The following ZNF578 variants were observed in gnomAD, a reference collection of about 807,000 sequenced individuals.
The protein encoded by ZNF578 is zinc finger protein 578, also known as Putative chemokine-related protein B42.
Under a neutral mutation model 8.3 loss-of-function variants are expected in ZNF578, and 8 were observed. The observed-to-expected ratio is 0.96, with a 90% CI of 0.56 to 1.74. ZNF578 has a LOEUF of 1.74. Among genes scored for constraint, ZNF578 ranks in the 40% most tolerant of loss-of-function variants. The pLI is 0.00. For missense variants in ZNF578, 726 were observed against 707.5 expected (o/e 1.03, Z -0.30); for synonymous variants, 206 against 232.2 (o/e 0.89, Z 1.03).
At chr19:52,463,651 A>T (rs1408342009) in intron 2 of ZNF578, among the ~76,000 whole-genome samples, 4 of 152,232 alleles carry the variant, frequency 2.6e-5, no homozygotes, top group Admixed American at 2.0e-4. Flanking sequence ...ATATTTAATT[A>T]AGGCAGTTTT....
chr19:52,492,702 C>T (rs2059370122), intron 3 of ZNF578: 1 of 152,214 alleles, frequency 6.6e-6, no homozygotes, highest in African/African-American at 2.4e-5. Context: ...CCGGCCCCGC[C>T]CTCTGCCGGT....
intron 3 of ZNF578, among the ~76,000 whole-genome samples, chr19:52,495,321 C>T (rs1229213786): frequency 6.9e-6 from 1 of 144,612 alleles, no homozygotes; most frequent in African/African-American, 2.5e-5. Context: ...CATGCGCCAC[C>T]ATGCCCCGCT....
intron 2 of ZNF578, among the ~76,000 whole-genome samples, chr19:52,466,918 G>T (rs1273562897): frequency 6.6e-6 from 1 of 152,082 alleles, no homozygotes; most frequent in Non-Finnish European, 1.5e-5. Context: ...CATAATGTGT[G>T]CATATATAAT....
At chr19:52,499,283 T>A (rs1318035561) in intron 3 of ZNF578, among the ~76,000 whole-genome samples, 1 of 152,140 alleles carries the variant, frequency 6.6e-6, no homozygotes, top group Non-Finnish European at 1.5e-5. Context: ...GAATTCCAGT[T>A]CTCCAAGATG....
chr19:52,501,238 C>T (rs568072572), intron 3 of ZNF578, among the ~76,000 whole-genome samples: 1 of 152,304 alleles, frequency 6.6e-6, no homozygotes, highest in East Asian at 1.9e-4. Flanking sequence ...GAACTTGGCC[C>T]CAAGCGGAGG....
chr19:52,493,563 G>A (rs1273084917), intron 3 of ZNF578, among the ~76,000 whole-genome samples: 1 of 152,112 alleles, frequency 6.6e-6, no homozygotes, highest in African/African-American at 2.4e-5. Flanking sequence ...GATCTGGGGT[G>A]CTAGAGAGTG....
intron 3 of ZNF578, among the ~76,000 whole-genome samples, chr19:52,496,630 C>T (rs1181185846): frequency 2.8e-5 from 4 of 141,182 alleles, no homozygotes; most frequent in Admixed American, 2.1e-4. Context: ...CGCTCAGCCT[C>T]ATTAGTTGTT....
intron 3 of ZNF578, among the ~76,000 whole-genome samples, chr19:52,491,915 G>C (rs532523198): frequency 6.6e-6 from 1 of 151,984 alleles, no homozygotes; most frequent in East Asian, 1.9e-4. Context: ...AAGCCAAGCA[G>C]TTTGGGAGGC....
intron 5 of ZNF578, among the ~76,000 whole-genome samples, chr19:52,506,890 C>T (rs1007589780): frequency 3.3e-5 from 5 of 152,162 alleles, no homozygotes; most frequent in East Asian, 1.9e-4. Context: ...TAAGATTTGT[C>T]GGCCTTTGGT....
At chr19:52,456,455 C>T (rs1320966897) in intron 1 of ZNF578, 1 of 152,286 alleles carries the variant, frequency 6.6e-6, no homozygotes, top group Non-Finnish European at 1.5e-5. Context: ...CATCATTGAA[C>T]ATCAGGGTGC....
chr19:52,514,321 A>G lies in ZNF578; in HGVS notation c.*2167A>G, dbSNP rs1339289699. ...TTCGTGAGATTTTTTTCCTACAACA[A>G]TTTCAAAAGAGTTGCTGTTTGAAAT... is the stretch of plus-strand genomic sequence containing the variant. On this transcript the variant is annotated 3_prime_UTR_variant, in exon 6 of 6. Coordinates refer to ENST00000421239, the MANE Select transcript of ZNF578 (RefSeq NM_001099694.2). Among the ~76,000 whole-genome samples the G allele has an allele frequency of 1.3e-5, 2 of 152,178 alleles. No homozygotes were observed. Among genetic ancestry groups the G allele is most frequent in the Non-Finnish European group, 2.9e-5 (2 of 68,038 alleles).
chr19:52,474,205 A>T, intron 2 of ZNF578: 1 of 303,488 alleles, frequency 3.3e-6, no homozygotes, highest in Non-Finnish European at 6.8e-6. Context: ...CTGAATAGTC[A>T]CTAAATGCTT....
intron 2 of ZNF578, among the ~76,000 whole-genome samples, chr19:52,463,363 C>T (rs753522234): frequency 1.3e-5 from 2 of 152,090 alleles, no homozygotes; most frequent in Non-Finnish European, 2.9e-5. Flanking sequence ...AATGTAGGAA[C>T]GTGGGTGATG....
rs72019256 is a variant in ZNF578, at chr19:52,498,684, C to CTTTTTTTTTTTTTTTTTTT, written c.-19-3126_-19-3125insTTTTTTTTTTTTTTTTTTT. ...AGGAATGAGCCACCTCGCCTGGCCG[C>CTTTTTTTTTTTTTTTTTTT]TTTTTTTTTTTTTTTTTGTAAGACA... On this transcript the variant is annotated intron_variant, in intron 3 of 5. Transcript: ENST00000421239. Among the ~76,000 whole-genome samples the CTTTTTTTTTTTTTTTTTTT allele has an allele frequency of 9.4e-5, 10 of 106,850 alleles. 3 individuals carry two copies. The highest frequency in any genetic ancestry group is 2.1e-4 in the Admixed American group (2 of 9,584). 70.1% of individuals were successfully genotyped at this position (106,850 alleles called of 152,430 possible). A position where few individuals can be genotyped will look rare whatever the true frequency, so the allele number is the denominator to read the frequency against.
chr19:52,499,009 G>T (rs576734643), intron 3 of ZNF578, among the ~76,000 whole-genome samples: 1 of 152,160 alleles, frequency 6.6e-6, no homozygotes, highest in Admixed American at 6.6e-5. Flanking sequence ...AGAGGAGGAA[G>T]ACCAAGGCAG....
chr19:52,473,877 C>A (rs950913142), intron 2 of ZNF578: 2 of 338,378 alleles, frequency 5.9e-6, no homozygotes, highest in Non-Finnish European at 1.1e-5. Flanking sequence ...CTACTATAGA[C>A]CTTGCCACAT....
rs1207402069 is a variant in ZNF578 at position 52,515,582 on chromosome 19, T to G, written c.*3428T>G. 1.3e-5 allele frequency among the ~76,000 whole-genome samples: 2 copies of G among 152,068 alleles called. No individual in the cohort carries two copies. On this transcript the variant is annotated 3_prime_UTR_variant, in exon 6 of 6. Transcript: ENST00000421239. Reference sequence around the variant, plus strand: ...ACCTTCTCACTCATCTCAGACCTTCTCAGGGTAACTTGGTGAAAATGTCTT... The same window carrying G: ...ACCTTCTCACTCATCTCAGACCTTCGCAGGGTAACTTGGTGAAAATGTCTT...
In ZNF578 at chr19:52,515,803, A is replaced by G. The variant is rs559163082; in HGVS notation, c.*3649A>G. 4.7e-4 allele frequency among the ~76,000 whole-genome samples: 71 copies of G among 152,200 alleles called. 1 individual carries two copies. Among genetic ancestry groups the G allele is most frequent in the Middle Eastern group, 3.4e-3 (1 of 294 alleles). On this transcript the variant is annotated 3_prime_UTR_variant, in exon 6 of 6. Coordinates refer to ENST00000421239, the MANE Select transcript of ZNF578 (RefSeq NM_001099694.2). The stretch of plus-strand genomic sequence containing the variant: ...GGATGCAGTGCCCTAAAAATGAAAA[A>G]CAAAAGCAGAAGAATGGAAGAAATA...
At chr19:52,506,471 T>TC in intron 5 of ZNF578, among the ~76,000 whole-genome samples, 1 of 111,246 alleles carries the variant, frequency 9.0e-6, no homozygotes, top group Non-Finnish European at 1.9e-5. Context: ...TCTTTTTTTT[T>TC]TTTTTTTTTT....
Sources: allele counts gnomAD v4.1 joint callset (sites outside exome capture counted in the v4.1 genomes callset), GRCh38; gene constraint gnomAD v4.1.1; transcripts MANE v1.5; gene names NCBI Gene and HGNC (gene_info 2026-07-23, HGNC 2026-07-21).